Variants in PELI1 observed in about 807,000 individuals in gnomAD.
PELI1 encodes E3 ubiquitin-protein ligase pellino homolog 1.
PELI1 carries 15 observed loss-of-function variants against 41.3 expected under a neutral mutation model. The ratio of observed to expected loss-of-function variants is 0.36; its 90% CI spans 0.24 to 0.56. The LOEUF (loss-of-function observed/expected upper bound fraction) is 0.56, where lower values mean the gene tolerates loss of function less well. Ranked by LOEUF, PELI1 falls within the 20% of genes least tolerant of loss-of-function variation. The pLI, the probability that PELI1 is intolerant of heterozygous loss-of-function variation, is 0.82. For missense variants in PELI1, 403 were observed against 525.5 expected, an observed-to-expected ratio of 0.77 and a Z score of 2.28; for synonymous variants, 178 against 180.1, an observed-to-expected ratio of 0.99 and a Z score of 0.09.
intron 1 of PELI1, among the ~76,000 whole-genome samples, chr2:64,141,201 GTTTTCTTCACTTTGCTGA>G (rs1681901800): frequency 6.6e-6 from 1 of 152,012 alleles, no homozygotes; most frequent in African/African-American, 2.4e-5. Flanking sequence ...TCTTCATCAG[GTTTTCTTCACTTTGCTGA>G]TTTTCTTCCT....
At chr2:64,106,980 T>C (rs1473655082) in intron 2 of PELI1, among the ~76,000 whole-genome samples, 1 of 152,158 alleles carries the variant, frequency 6.6e-6, no homozygotes, top group Non-Finnish European at 1.5e-5. Context: ...CAGGTTGGAG[T>C]GCAGTGGCGC....
intron 1 of PELI1, among the ~76,000 whole-genome samples, chr2:64,115,984 T>C (rs1343486683): frequency 6.6e-6 from 1 of 152,182 alleles, no homozygotes; most frequent in Non-Finnish European, 1.5e-5. Flanking sequence ...TTTCAGTAAA[T>C]AAAGTGGACT....
chr2:64,097,095 T>A (rs184659681), intron 4 of PELI1, among the ~76,000 whole-genome samples: 5 of 152,352 alleles, frequency 3.3e-5, no homozygotes, highest in African/African-American at 1.2e-4. Flanking sequence ...CTTCAGGTGC[T>A]ACAAGAGGTA....
chr2:64,114,789 C>G (rs933971117), intron 1 of PELI1, among the ~76,000 whole-genome samples: 1 of 152,142 alleles, frequency 6.6e-6, no homozygotes, highest in Non-Finnish European at 1.5e-5. Context: ...GCCAGTAGAA[C>G]ATTCTAGTTG....
chr2:64,140,968 TACC>T (rs780185243), intron 1 of PELI1, among the ~76,000 whole-genome samples: 63 of 152,088 alleles, frequency 4.1e-4, no homozygotes, highest in Admixed American at 7.2e-4. Context: ...CCTCCCCCAC[TACC>T]ACAAGTGTAA....
At chr2:64,097,816 T>G (rs1304488442) in intron 4 of PELI1, among the ~76,000 whole-genome samples, 1 of 152,226 alleles carries the variant, frequency 6.6e-6, no homozygotes, top group Non-Finnish European at 1.5e-5. Context: ...TTTGTCCAAC[T>G]GTCAAGTATA....
At chr2:64,102,593 A>G (rs1432554562) in intron 3 of PELI1, among the ~76,000 whole-genome samples, 1 of 152,188 alleles carries the variant, frequency 6.6e-6, no homozygotes, top group African/African-American at 2.4e-5. Context: ...ATTAATTCTT[A>G]GTGGCTAAAG....
At chr2:64,136,325 A>G (rs966664942) in intron 1 of PELI1, among the ~76,000 whole-genome samples, 1 of 152,212 alleles carries the variant, frequency 6.6e-6, no homozygotes, top group African/African-American at 2.4e-5. Context: ...AATCTAGTCT[A>G]GCAGCTCAGC....
chr2:64,134,470 G>A (rs2103740869), intron 1 of PELI1, among the ~76,000 whole-genome samples: 1 of 152,224 alleles, frequency 6.6e-6, no homozygotes, highest in East Asian at 1.9e-4. Context: ...CAGTAAAGCA[G>A]TAAGTATATT....
At chr2:64,139,294 TTTTA>T (rs1459903569) in intron 1 of PELI1, among the ~76,000 whole-genome samples, 1 of 152,190 alleles carries the variant, frequency 6.6e-6, no homozygotes, top group Admixed American at 6.5e-5. Context: ...GTCATTTTTC[TTTTA>T]TTTATTTTTT....
At chr2:64,115,924 A>G (rs909882071) in intron 1 of PELI1, among the ~76,000 whole-genome samples, 4 of 152,226 alleles carry the variant, frequency 2.6e-5, no homozygotes, top group Admixed American at 1.3e-4. Flanking sequence ...CACTTCCTCA[A>G]TGTTCATTGT....
At chr2:64,135,153 G>A (rs2103741907) in intron 1 of PELI1, among the ~76,000 whole-genome samples, 1 of 152,218 alleles carries the variant, frequency 6.6e-6, no homozygotes, top group Non-Finnish European at 1.5e-5. Flanking sequence ...CAAACATCAA[G>A]AGCTGAAAAT....
chr2:64,105,132 T>C (rs543335889), intron 2 of PELI1, among the ~76,000 whole-genome samples: 1 of 152,324 alleles, frequency 6.6e-6, no homozygotes, highest in East Asian at 1.9e-4. Flanking sequence ...AGCTGATTAA[T>C]GGCATGTCTG....
chr2:64,129,804 T>C (rs1168193004), intron 1 of PELI1, among the ~76,000 whole-genome samples: 1 of 152,194 alleles, frequency 6.6e-6, no homozygotes, highest in Non-Finnish European at 1.5e-5. Flanking sequence ...TATAATAGAA[T>C]ATAGTCTACA....
chr2:64,131,264 A>G (rs1405543739), intron 1 of PELI1, among the ~76,000 whole-genome samples: 6 of 152,042 alleles, frequency 3.9e-5, no homozygotes, highest in African/African-American at 1.4e-4. Context: ...ATTTTGATAT[A>G]TTCTTAAAGC....
chr2:64,133,626 T>G (rs1431311369), intron 1 of PELI1, among the ~76,000 whole-genome samples: 1 of 152,022 alleles, frequency 6.6e-6, no homozygotes, highest in Non-Finnish European at 1.5e-5. Context: ...TCAAAGAGGT[T>G]AAATGAAATA....
Position 64,094,803 on chromosome 2 carries a change from GAGGA to G in PELI1, c.1152_1155del (p.Pro385MetfsTer32). 6.2e-7 allele frequency: 1 copy of G among 1,614,176 alleles called. No homozygotes were observed. Among genetic ancestry groups the G allele is most frequent in the Non-Finnish European group, 8.5e-7 (1 of 1,179,994 alleles). On this transcript the variant is annotated frameshift_variant, in exon 7 of 7. Transcript: ENST00000358912. LOFTEE classifies it high-confidence loss of function. ...GCTGCATGAAAAGTATGAGTACCAT[GAGGA>G]AGTGGGATCTGGGACCAATAGGCAG...
intron 6 of PELI1, among the ~76,000 whole-genome samples, chr2:64,095,515 CA>C (rs1680203473): frequency 6.6e-6 from 1 of 152,112 alleles, no homozygotes; most frequent in African/African-American, 2.4e-5. Flanking sequence ...TCTGGCTAAT[CA>C]ATAAGTCTAA....
intron 2 of PELI1, among the ~76,000 whole-genome samples, 153 bp downstream of exon 2, chr2:64,108,087 G>C (rs573597402): frequency 6.6e-6 from 1 of 152,096 alleles, no homozygotes; most frequent in Non-Finnish European, 1.5e-5. Flanking sequence ...AGAAGTAAAA[G>C]AGTTTCTTGA....
Sources: allele counts gnomAD v4.1 joint callset (sites outside exome capture counted in the v4.1 genomes callset), GRCh38; gene constraint gnomAD v4.1.1; transcripts MANE v1.5; gene names NCBI Gene and HGNC (gene_info 2026-07-23, HGNC 2026-07-21).